Variants in PCYOX1L observed in about 807,000 individuals in gnomAD.
PCYOX1L encodes the protein prenylcysteine oxidase 1-like.
Under a neutral mutation model 44.1 loss-of-function variants are expected in PCYOX1L, and 40 were observed. That is an observed-to-expected ratio of 0.91 (90% CI 0.70 to 1.18). The LOEUF is 1.18. PCYOX1L is among the 50% of genes most tolerant of loss of function. The probability of loss-of-function intolerance (pLI) is 0.00; values close to 1 mark genes in which losing one functional copy is unlikely to be tolerated. For missense variants in PCYOX1L, 605 were observed against 653.3 expected, an observed-to-expected ratio of 0.93 and a Z score of 0.81; for synonymous variants, 266 against 282.8, an observed-to-expected ratio of 0.94 and a Z score of 0.60.
In PCYOX1L at chr5:149,362,642, G is replaced by T. The variant is rs1327149603; in HGVS notation, c.94G>T (p.Val32Phe). Reference sequence around the variant, plus strand: ...CCTCCCGGGCCTGCTGACAGCGGTGGTTGGGGCTGGGATTGGGGGCTCTGC... The same window carrying T: ...CCTCCCGGGCCTGCTGACAGCGGTGTTTGGGGCTGGGATTGGGGGCTCTGC... The part of the protein sequence containing the change: ...GDAPPGKIAV[V>F]GAGIGGSAVA... The change falls in exon 2 of 6, where the codon GTT becomes TTT. Residue 32 changes from valine to phenylalanine, a missense_variant. Physicochemically the swap from Val to Phe is conservative, Grantham distance 50. Coordinates refer to ENST00000274569, the MANE Select transcript of PCYOX1L (RefSeq NM_024028.4). 1 of 1,614,000 alleles carries T rather than the reference G, an allele frequency of 6.2e-7. No homozygotes were observed.
Position 149,368,368 on chromosome 5 carries a change from A to C in PCYOX1L, c.1199A>C (p.Lys400Thr), listed in dbSNP as rs759448555. 4 of 1,614,112 alleles carry C rather than the reference A, an allele frequency of 2.5e-6. No individual in the cohort carries two copies. The South Asian group carries it at 4.4e-5, about 18-fold the overall frequency. The change falls in exon 6 of 6, where the codon AAG becomes ACG. Residue 400 changes from lysine to threonine, a missense_variant. Transcript: ENST00000274569. Reference protein sequence around the residue: ...EAAVWRVQSPKPLFRTQLKTL... With the variant: ...EAAVWRVQSPTPLFRTQLKTL... ...GCTGTTTGGCGAGTCCAGTCCCCCA[A>C]GCCCCTCTTTCGGACCCAGCTAAAG...
chr5:149,362,879 C>G lies in PCYOX1L; in HGVS notation c.295+36C>G, dbSNP rs182504112. 2,939 of 1,608,462 alleles carry G rather than the reference C, an allele frequency of 1.8e-3. 11 individuals carry two copies. The highest frequency in any genetic ancestry group is 1.7e-3 in the Middle Eastern group (10 of 6,052). On this transcript the variant is annotated intron_variant, in intron 2 of 5. Coordinates refer to ENST00000274569, the MANE Select transcript of PCYOX1L (RefSeq NM_024028.4). ...AGTCCTGGGGCTCCAGTGCCCAGCG[C>G]CCTGGGGCTGGTGACAGCACTGGGC...
At chr5:149,362,987 G>C in intron 2 of PCYOX1L, 144 bp downstream of exon 2, 1 of 968,428 alleles carries the variant, frequency 1.0e-6, no homozygotes, top group Non-Finnish European at 1.6e-6. Context: ...AGAAACAAGA[G>C]AGGGGAAGGA....
In PCYOX1L at chr5:149,358,172, G is replaced by A; in HGVS notation, c.88+16G>A. ...GGCAAAATCGGTGCGGGAAGGACGCGGTGGGGTTCCCAGCTGGGGAGGGCC... is the reference window on the plus strand; with the variant it reads ...GGCAAAATCGGTGCGGGAAGGACGCAGTGGGGTTCCCAGCTGGGGAGGGCC... On this transcript the variant is annotated intron_variant, in intron 1 of 5. Transcript: ENST00000274569. 7.0e-7 allele frequency: 1 copy of A among 1,437,588 alleles called. No homozygotes were observed. The highest frequency in any genetic ancestry group is 9.1e-7 in the Non-Finnish European group (1 of 1,096,268). 89.1% of individuals were successfully genotyped at this position (1,437,588 alleles called of 1,614,324 possible). A position where few individuals can be genotyped will look rare whatever the true frequency, so the allele number is the denominator to read the frequency against.
In PCYOX1L at chr5:149,368,448, C is replaced by T. The variant is rs759447271; in HGVS notation, c.1279C>T (p.Leu427Phe). 4.3e-6 allele frequency: 7 copies of T among 1,614,042 alleles called. No individual in the cohort carries two copies. The East Asian group carries it at 1.1e-4, about 26-fold the overall frequency. Residue 427 changes from leucine to phenylalanine, a missense_variant, in exon 6 of 6, where the codon CTC (leucine) becomes TTC (phenylalanine). Coordinates refer to ENST00000274569, the MANE Select transcript of PCYOX1L (RefSeq NM_024028.4). ...VQTAEWQAHP[L>F]YGSRPTLPRF... Reference sequence around the variant, plus strand: ...GACAGCTGAGTGGCAGGCCCATCCCCTCTATGGCTCCCGCCCCACGCTCCC... The same window carrying T: ...GACAGCTGAGTGGCAGGCCCATCCCTTCTATGGCTCCCGCCCCACGCTCCC...
In PCYOX1L at chr5:149,368,369, G is replaced by A. The variant is rs1561704950; in HGVS notation, c.1200G>A (p.Lys400=). The A allele has an allele frequency of 6.2e-7, 1 of 1,614,152 alleles. No individual in the cohort carries two copies. The highest frequency in any genetic ancestry group is 8.5e-7 in the Non-Finnish European group (1 of 1,180,018). The change falls in exon 6 of 6, where the codon AAG becomes AAA. Residue 400 remains lysine (K), a synonymous_variant. Transcript: ENST00000274569. ...EAAVWRVQSP[K]PLFRTQLKTL... ...CTGTTTGGCGAGTCCAGTCCCCCAA[G>A]CCCCTCTTTCGGACCCAGCTAAAGA...
In PCYOX1L at chr5:149,367,367, G is replaced by A; in HGVS notation, c.690G>A (p.Met230Ile). 6.2e-7 allele frequency: 1 copy of A among 1,610,156 alleles called. No homozygotes were observed. The highest frequency in any genetic ancestry group is 8.5e-7 in the Non-Finnish European group (1 of 1,178,658). ...ACTTCCCGCTTTGCCCAGGAGCCAT[G>A]TCACTAGCCGGGGCCCAAGGCAGCC... ...SAAMPAFAGA[M>I]SLAGAQGSLW... is the part of the protein sequence containing the mutation. The change falls in exon 5 of 6, where the codon ATG (methionine) becomes ATA (isoleucine). Residue 230 changes from methionine (M) to isoleucine (I), a missense_variant. Met to Ile is a conservative substitution (Grantham distance 10). Coordinates refer to ENST00000274569, the MANE Select transcript of PCYOX1L (RefSeq NM_024028.4).
intron 4 of PCYOX1L, 65 bp downstream of exon 4, chr5:149,366,218 G>T (rs1758202183): frequency 6.5e-7 from 1 of 1,539,216 alleles, no homozygotes; most frequent in Non-Finnish European, 8.8e-7. Flanking sequence ...AGAATGGGCT[G>T]GGGGTCCCCA....
intron 1 of PCYOX1L, 131 bp from the exon 2 acceptor site, chr5:149,362,506 G>T: frequency 1.1e-6 from 1 of 909,366 alleles, no homozygotes; most frequent in Non-Finnish European, 1.7e-6. Context: ...ATTTCCTTTT[G>T]GAAATGTTAT....
At chr5:149,362,553 G>T in intron 1 of PCYOX1L, 84 bp from the exon 2 acceptor site, 1 of 1,420,122 alleles carries the variant, frequency 7.0e-7, no homozygotes, top group East Asian at 2.3e-5. Flanking sequence ...AACCACCAGC[G>T]CAGGAGGATA....
In PCYOX1L at chr5:149,368,281, T is replaced by G; in HGVS notation, c.1112T>G (p.Leu371Arg). 6.2e-7 allele frequency: 1 copy of G among 1,614,198 alleles called. No individual in the cohort carries two copies. The highest frequency in any genetic ancestry group is 1.1e-5 in the South Asian group (1 of 91,084). Residue 371 changes from leucine to arginine, a missense_variant, in exon 6 of 6, where the codon CTG becomes CGG. Physicochemically the swap from Leu to Arg is moderately radical, Grantham distance 102 (BLOSUM62 -2). Transcript: ENST00000274569. Reference sequence around the variant, plus strand: ...GATTTCCCCAGCTTCTTCTGCACTCTGGACAACATCTGCCCTGTCAACATC... The same window carrying G: ...GATTTCCCCAGCTTCTTCTGCACTCGGGACAACATCTGCCCTGTCAACATC... Reference protein sequence around the residue: ...TTDFPSFFCTLDNICPVNISA... With the variant: ...TTDFPSFFCTRDNICPVNISA...
chr5:149,363,690 A>G, intron 2 of PCYOX1L: 1 of 313,598 alleles, frequency 3.2e-6, no homozygotes, highest in Non-Finnish European at 6.1e-6. Flanking sequence ...GATGGCTGTA[A>G]GGAGCTAGGA....
Position 149,368,475 on chromosome 5 carries a change from A to C in PCYOX1L, c.1306A>C (p.Arg436=). The change falls in exon 6 of 6, where the codon AGG becomes CGG. Residue 436 remains arginine (R), a synonymous_variant. Transcript: ENST00000274569. ...PLYGSRPTLP[R]FALHDQLFYL... ...CTATGGCTCCCGCCCCACGCTCCCGAGGTTTGCACTCCATGACCAGCTCTT... is the reference window on the plus strand; with the variant it reads ...CTATGGCTCCCGCCCCACGCTCCCGCGGTTTGCACTCCATGACCAGCTCTT... 6.2e-7 allele frequency: 1 copy of C among 1,612,890 alleles called. No homozygotes were observed. The highest frequency in any genetic ancestry group is 1.1e-5 in the South Asian group (1 of 90,952).
intron 3 of PCYOX1L, chr5:149,365,660 G>T: frequency 2.1e-6 from 1 of 486,434 alleles, no homozygotes; most frequent in Non-Finnish European, 3.7e-6. Context: ...TATGACCTCA[G>T]GCAGGGAGTG....
intron 1 of PCYOX1L, among the ~76,000 whole-genome samples, chr5:149,359,633 G>A (rs1415101118): frequency 1.3e-5 from 2 of 152,138 alleles, no homozygotes; most frequent in Non-Finnish European, 2.9e-5. Flanking sequence ...CTCACCATTG[G>A]GGAAGGAGCA....
At chr5:149,365,167 T>G (rs1758157090) in intron 3 of PCYOX1L, 1 of 152,302 alleles carries the variant, frequency 6.6e-6, no homozygotes, top group Non-Finnish European at 1.5e-5. Flanking sequence ...TTTCTGATAT[T>G]TTTCTCCCTT....
Position 149,358,089 on chromosome 5 carries a change from G to C in PCYOX1L, c.21G>C (p.Leu7=), listed in dbSNP as rs1244763951. Reference sequence around the variant, plus strand: ...CCGCCATGGCCCGCGCAGCCCCGCTGCTCGCCGCGTTGACCGCGCTCCTCG... The same window carrying C: ...CCGCCATGGCCCGCGCAGCCCCGCTCCTCGCCGCGTTGACCGCGCTCCTCG... MARAAP[L]LAALTALLAA... is the part of the protein sequence containing the mutation. The change falls in exon 1 of 6, where the codon CTG becomes CTC. Residue 7 remains leucine (L), a synonymous_variant. Coordinates refer to ENST00000274569, the MANE Select transcript of PCYOX1L (RefSeq NM_024028.4). 1 of 1,437,202 alleles carries C rather than the reference G, an allele frequency of 7.0e-7. No individual in the cohort carries two copies. Among genetic ancestry groups the C allele is most frequent in the Non-Finnish European group, 9.1e-7 (1 of 1,097,178 alleles). The allele number at this position is 1,437,202 out of a possible 1,614,324, so 89.0% of individuals were successfully genotyped here.
chr5:149,368,327 G>A lies in PCYOX1L; in HGVS notation c.1158G>A (p.Lys386=). 6.2e-7 allele frequency: 1 copy of A among 1,614,182 alleles called. No homozygotes were observed. Among genetic ancestry groups the A allele is most frequent in the Non-Finnish European group, 8.5e-7 (1 of 1,180,044 alleles). The part of the protein sequence containing the change: ...PVNISASFRR[K]QPQEAAVWRV... ...ACATCTCTGCCAGCTTCCGGCGAAA[G>A]CAGCCCCAGGAGGCAGCTGTTTGGC... Residue 386 remains lysine (K), a synonymous_variant, in exon 6 of 6, where the codon AAG becomes AAA. Transcript: ENST00000274569.
In PCYOX1L at chr5:149,368,165, C is replaced by T. The variant is rs532195086; in HGVS notation, c.996C>T (p.Thr332=). 1.2e-4 allele frequency: 187 copies of T among 1,613,512 alleles called. No individual in the cohort carries two copies. The highest frequency in any genetic ancestry group is 1.2e-4 in the African/African-American group (9 of 75,016). Residue 332 remains threonine (T), a synonymous_variant, in exon 6 of 6, where the codon ACC becomes ACT. Coordinates refer to ENST00000274569, the MANE Select transcript of PCYOX1L (RefSeq NM_024028.4). ...IDDVQGSFQP[T]VVSLVHGYLN... ...ACGTGCAGGGCTCTTTCCAGCCCACCGTCGTCTCCTTGGTCCACGGCTACC... is the reference window on the plus strand; with the variant it reads ...ACGTGCAGGGCTCTTTCCAGCCCACTGTCGTCTCCTTGGTCCACGGCTACC...
Sources: gnomAD v4.1 joint callset for allele counts (sites outside exome capture counted in the v4.1 genomes callset) on GRCh38, gnomAD v4.1.1 for gene constraint, MANE v1.5 for transcripts, NCBI Gene and HGNC (gene_info 2026-07-23, HGNC 2026-07-21) for gene names.